Variants in SBF2 observed in about 807,000 individuals in gnomAD.
SBF2 encodes SET binding factor 2, also known as myotubularin-related protein 13.
A neutral mutation model predicts 225.2 loss-of-function variants in SBF2; 112 were observed. That is an observed-to-expected ratio of 0.50 (90% confidence interval 0.43 to 0.58). The LOEUF (loss-of-function observed/expected upper bound fraction) is 0.58. SBF2 is among the 20% of genes least tolerant of loss of function. The pLI, the probability that SBF2 is intolerant of heterozygous loss-of-function variation, is 0.00. For missense variants in SBF2, 1,996 were observed against 2,206.2 expected (o/e 0.90, Z 1.91); for synonymous variants, 763 against 773.3 (o/e 0.99, Z 0.22).
chr11:10,199,151 C>A (rs902880657), intron 1 of SBF2, among the ~76,000 whole-genome samples: 2 of 152,072 alleles, frequency 1.3e-5, no homozygotes, highest in Non-Finnish European at 2.9e-5. Context: ...CACTTAAAGG[C>A]CATTGTAAAG....
At chr11:10,268,150 C>A (rs1425332264) in intron 1 of SBF2, among the ~76,000 whole-genome samples, 1 of 152,198 alleles carries the variant, frequency 6.6e-6, no homozygotes, top group African/African-American at 2.4e-5. Flanking sequence ...CAAGTTTGTT[C>A]TGACACTTGA....
At chr11:9,902,018 G>A (rs1193810023) in intron 16 of SBF2, among the ~76,000 whole-genome samples, 1 of 152,168 alleles carries the variant, frequency 6.6e-6, no homozygotes. Flanking sequence ...AGAAGACCCT[G>A]AAGGAAATCA....
intron 2 of SBF2, among the ~76,000 whole-genome samples, chr11:10,129,618 G>A (rs1270817240): frequency 6.6e-6 from 1 of 152,156 alleles, no homozygotes; most frequent in East Asian, 1.9e-4. Flanking sequence ...ACAGACATGA[G>A]AATTATTCAG....
chr11:9,900,029 CTT>C (rs72178587), intron 16 of SBF2, among the ~76,000 whole-genome samples: 140 of 133,288 alleles, frequency 1.1e-3, no homozygotes, highest in African/African-American at 2.5e-3. Flanking sequence ...TCCTTTTCTT[CTT>C]TTTTTTTTTT....
At chr11:10,092,581 A>T (rs959507652) in intron 2 of SBF2, among the ~76,000 whole-genome samples, 2 of 152,226 alleles carry the variant, frequency 1.3e-5, no homozygotes, top group Non-Finnish European at 2.9e-5. Context: ...TTTATCACAG[A>T]TCTGTTTTCG....
intron 2 of SBF2, among the ~76,000 whole-genome samples, chr11:10,103,430 G>C (rs931625643): frequency 6.6e-6 from 1 of 152,138 alleles, no homozygotes; most frequent in Non-Finnish European, 1.5e-5. Flanking sequence ...ATTGGTATAT[G>C]TTGCAAAATT....
chr11:10,050,569 T>C (rs1950024442), intron 2 of SBF2, among the ~76,000 whole-genome samples: 1 of 152,174 alleles, frequency 6.6e-6, no homozygotes, highest in Admixed American at 6.6e-5. Context: ...GTTATATGAA[T>C]GGGGTCTCTC....
At chr11:9,830,750 A>C (rs934108220) in intron 27 of SBF2, among the ~76,000 whole-genome samples, 4 of 151,482 alleles carry the variant, frequency 2.6e-5, no homozygotes, top group African/African-American at 4.9e-5. Flanking sequence ...AAAAACAAAA[A>C]AAAAAAAACA....
At chr11:9,858,734 TC>T (rs1857500203) in intron 17 of SBF2, among the ~76,000 whole-genome samples, 1 of 152,226 alleles carries the variant, frequency 6.6e-6, no homozygotes, top group Non-Finnish European at 1.5e-5. Context: ...ATAAAATCCA[TC>T]ACGATGTAAA....
intron 1 of SBF2, among the ~76,000 whole-genome samples, chr11:10,204,682 C>G (rs1393806363): frequency 1.3e-5 from 2 of 151,226 alleles, no homozygotes; most frequent in African/African-American, 4.9e-5. Context: ...GAATGGAGTA[C>G]TGATACATGC....
chr11:10,230,182 T>C (rs945425166), intron 1 of SBF2, among the ~76,000 whole-genome samples: 4 of 152,132 alleles, frequency 2.6e-5, no homozygotes, highest in African/African-American at 9.7e-5. Context: ...CTTCCATCCC[T>C]TTATTTTGAG....
chr11:10,236,645 A>G (rs1183332701), intron 1 of SBF2, among the ~76,000 whole-genome samples: 2 of 152,068 alleles, frequency 1.3e-5, no homozygotes, highest in African/African-American at 2.4e-5. Flanking sequence ...TTTTTACTAG[A>G]GATGGGATTT....
chr11:10,157,346 A>G (rs996529176), intron 2 of SBF2, among the ~76,000 whole-genome samples: 1 of 152,250 alleles, frequency 6.6e-6, no homozygotes, highest in African/African-American at 2.4e-5. Flanking sequence ...ACCATTCTAA[A>G]CATAGGAACT....
At chr11:9,827,704 C>T (rs1451093887) in intron 28 of SBF2, among the ~76,000 whole-genome samples, 1 of 152,140 alleles carries the variant, frequency 6.6e-6, no homozygotes, top group African/African-American at 2.4e-5. Flanking sequence ...GATGTCTTAT[C>T]CTCCAAACCA....
intron 2 of SBF2, among the ~76,000 whole-genome samples, chr11:10,106,610 C>T (rs1952566007): frequency 7.5e-6 from 1 of 134,008 alleles, no homozygotes; most frequent in South Asian, 2.4e-4. Context: ...GCCTGGGTGA[C>T]AGAGCAAGAC....
chr11:9,789,157 A>C lies in SBF2; in HGVS notation c.4884T>G (p.Tyr1628Ter). ...CAGGCTGAGTACAGCTGACATCATCATAGCATGGCCACACTGTTCTCCTCT... is the reference window on the plus strand; with the variant it reads ...CAGGCTGAGTACAGCTGACATCATCCTAGCATGGCCACACTGTTCTCCTCT... ...RSQRRTVWPC[Y>*]DDVSCTQPDA... The change falls in exon 35 of 40, where the codon TAT becomes TAG. Residue 1628 changes from tyrosine (Y) to a stop codon, truncating the protein, a stop_gained. Transcript: ENST00000256190. LOFTEE classifies it high-confidence loss of function. 6.2e-7 allele frequency: 1 copy of C among 1,614,162 alleles called. No homozygotes were observed. Among genetic ancestry groups the C allele is most frequent in the Non-Finnish European group, 8.5e-7 (1 of 1,180,024 alleles).
At chr11:10,067,100 G>C (rs1950654044) in intron 2 of SBF2, among the ~76,000 whole-genome samples, 1 of 151,850 alleles carries the variant, frequency 6.6e-6, no homozygotes, top group Non-Finnish European at 1.5e-5. Context: ...CAACACAGTG[G>C]GACCCTGACT....
chr11:10,073,724 C>CA (rs1468211858), intron 2 of SBF2, among the ~76,000 whole-genome samples: 4 of 150,174 alleles, frequency 2.7e-5, no homozygotes, highest in Admixed American at 6.6e-5. Context: ...GGCTCCAACT[C>CA]AAAAAAACAA....
At chr11:10,031,559 AAAG>A (rs1253161369) in intron 3 of SBF2, among the ~76,000 whole-genome samples, 5 of 152,214 alleles carry the variant, frequency 3.3e-5, no homozygotes, top group Admixed American at 3.3e-4. Context: ...TCAGTTTTCA[AAAG>A]AAGATGTTTT....
Sources: allele counts gnomAD v4.1 joint callset (sites outside exome capture counted in the v4.1 genomes callset), GRCh38; gene constraint gnomAD v4.1.1; transcripts MANE v1.5; gene names NCBI Gene and HGNC (gene_info 2026-07-23, HGNC 2026-07-21).